Variants in TTC39C observed in about 807,000 individuals in gnomAD.
TTC39C encodes the protein tetratricopeptide repeat domain 39C, also known as tetratricopeptide repeat protein 39C.
Under a neutral mutation model 76.3 loss-of-function variants are expected in TTC39C, and 33 were observed. That is an observed-to-expected ratio of 0.43 (90% CI 0.33 to 0.58). The LOEUF is 0.58. Ranked by LOEUF, TTC39C falls within the 20% of genes least tolerant of loss-of-function variation. TTC39C has a pLI of 0.04. For missense variants in TTC39C, 595 were observed against 701.4 expected (o/e 0.85, Z 1.71); for synonymous variants, 254 against 260.6 (o/e 0.97, Z 0.24).
At chr18:24,054,321 A>G (rs952250322) in intron 1 of TTC39C, among the ~76,000 whole-genome samples, 1 of 152,196 alleles carries the variant, frequency 6.6e-6, no homozygotes. Flanking sequence ...GGTTGGCTGG[A>G]TGATATATTC....
chr18:24,066,792 T>C (rs2084171117), intron 3 of TTC39C, among the ~76,000 whole-genome samples: 1 of 152,218 alleles, frequency 6.6e-6, no homozygotes, highest in African/African-American at 2.4e-5. Flanking sequence ...TGCTCTTGTT[T>C]ATGGTGTCCA....
intron 6 of TTC39C, among the ~76,000 whole-genome samples, chr18:24,087,666 C>G (rs2084461491): frequency 6.8e-6 from 1 of 147,666 alleles, no homozygotes; most frequent in African/African-American, 2.5e-5. Flanking sequence ...CTCACTGCAA[C>G]CTCCGCCTCC....
intron 1 of TTC39C, among the ~76,000 whole-genome samples, chr18:24,023,945 TG>T (rs56204728): frequency 0.69 from 43,590 of 63,560 alleles, 16,441 homozygotes; most frequent in Non-Finnish European, 0.83. Context: ...TATATATATA[TG>T]CATGTATATA....
chr18:24,018,573 G>A (rs1480154346), intron 1 of TTC39C, among the ~76,000 whole-genome samples: 5 of 152,124 alleles, frequency 3.3e-5, no homozygotes, highest in African/African-American at 1.2e-4. Context: ...ACATACGCAT[G>A]GTCCCCTGGA....
At chr18:24,056,780 A>G (rs903274806) in intron 1 of TTC39C, among the ~76,000 whole-genome samples, 1 of 152,128 alleles carries the variant, frequency 6.6e-6, no homozygotes, top group African/African-American at 2.4e-5. Context: ...TGCAGTGAAC[A>G]TAAGAGGCCC....
chr18:24,008,758 A>G (rs935916393), intron 1 of TTC39C, among the ~76,000 whole-genome samples: 1 of 152,244 alleles, frequency 6.6e-6, no homozygotes, highest in African/African-American at 2.4e-5. Flanking sequence ...ACATAATTCA[A>G]CTGCAGCACT....
At chr18:24,066,257 C>A in intron 3 of TTC39C, 117 bp downstream of exon 3, 1 of 1,305,908 alleles carries the variant, frequency 7.7e-7, no homozygotes, top group East Asian at 2.9e-5. Context: ...GACTGAAAAA[C>A]CACAATGTTT....
rs1457319099 is a variant in TTC39C, at chr18:24,133,252, A to C, written c.*678A>C. The C allele has an allele frequency of 6.6e-6, 1 of 152,246 alleles. No individual in the cohort carries two copies. The highest frequency in any genetic ancestry group is 2.4e-5 in the African/African-American group (1 of 41,468). 9.4% of individuals were successfully genotyped at this position (152,246 alleles called of 1,614,324 possible). ...GCCAGAATTCCATGTTTTACTTATT[A>C]AAAGAACAAAATCTTCAGCTGAAGT... On this transcript the variant is annotated 3_prime_UTR_variant, in exon 14 of 14. Coordinates refer to ENST00000317571, the MANE Select transcript of TTC39C (RefSeq NM_001135993.2).
At chr18:24,080,463 C>G in intron 4 of TTC39C, 122 bp from the exon 5 acceptor site, 1 of 703,084 alleles carries the variant, frequency 1.4e-6, no homozygotes, top group Non-Finnish European at 2.3e-6. Flanking sequence ...ACAATAGATA[C>G]TAATTTTTAT....
chr18:24,094,010 T>C (rs139748656), intron 6 of TTC39C, among the ~76,000 whole-genome samples: 200 of 152,360 alleles, frequency 1.3e-3, no homozygotes, highest in African/African-American at 4.4e-3. Context: ...AATGTGATGC[T>C]GTTTGATAGC....
intron 4 of TTC39C, among the ~76,000 whole-genome samples, chr18:24,075,553 G>A (rs750712274): frequency 7.9e-5 from 12 of 151,838 alleles, no homozygotes; most frequent in South Asian, 6.2e-4. Flanking sequence ...GCTTGGTGGC[G>A]TGTGCCTGTA....
At chr18:24,009,707 A>G (rs537949742) in intron 1 of TTC39C, among the ~76,000 whole-genome samples, 1 of 152,342 alleles carries the variant, frequency 6.6e-6, no homozygotes, top group African/African-American at 2.4e-5. Flanking sequence ...AGGGGAGGAA[A>G]GCGGTGGAGG....
At chr18:24,021,497 GA>G (rs1245567404) in intron 1 of TTC39C, among the ~76,000 whole-genome samples, 52 of 151,446 alleles carry the variant, frequency 3.4e-4, no homozygotes, top group Admixed American at 3.3e-3. Flanking sequence ...CCTTGAAGTG[GA>G]TTTGATGATT....
At chr18:24,092,884 A>G (rs1047757206) in intron 6 of TTC39C, among the ~76,000 whole-genome samples, 10 of 152,108 alleles carry the variant, frequency 6.6e-5, no homozygotes, top group Admixed American at 1.3e-4. Context: ...CAGAAGTTTG[A>G]TACAAGCCTG....
At chr18:24,098,630 T>G (rs1290282346) in intron 6 of TTC39C, among the ~76,000 whole-genome samples, 1 of 148,404 alleles carries the variant, frequency 6.7e-6, no homozygotes, top group Non-Finnish European at 1.5e-5. Context: ...CTCTTCTGTT[T>G]GTCTCTTTTT....
At chr18:24,111,072 C>T (rs963676021) in intron 6 of TTC39C, among the ~76,000 whole-genome samples, 1 of 151,762 alleles carries the variant, frequency 6.6e-6, no homozygotes, top group East Asian at 2.0e-4. Flanking sequence ...CTCACTGCAA[C>T]CTCCACCTCT....
chr18:24,129,126 C>A (rs2085089703), intron 11 of TTC39C, 143 bp downstream of exon 11: 1 of 560,498 alleles, frequency 1.8e-6, no homozygotes, highest in Non-Finnish European at 3.1e-6. Flanking sequence ...TTAATGCCAT[C>A]TTCTCAGATG....
At chr18:24,066,718 C>T (rs941927975) in intron 3 of TTC39C, among the ~76,000 whole-genome samples, 1 of 152,184 alleles carries the variant, frequency 6.6e-6, no homozygotes, top group Non-Finnish European at 1.5e-5. Flanking sequence ...CAGAAGCCAC[C>T]TGTCTTCTGC....
intron 6 of TTC39C, among the ~76,000 whole-genome samples, chr18:24,092,817 G>A (rs2084541476): frequency 6.6e-6 from 1 of 152,142 alleles, no homozygotes; most frequent in Non-Finnish European, 1.5e-5. Flanking sequence ...GAGCACAATG[G>A]CTCACACCTG....
Sources: gnomAD v4.1 joint callset for allele counts (sites outside exome capture counted in the v4.1 genomes callset) on GRCh38, gnomAD v4.1.1 for gene constraint, MANE v1.5 for transcripts, NCBI Gene and HGNC (gene_info 2026-07-23, HGNC 2026-07-21) for gene names.